Variants in CALN1 observed in about 807,000 individuals in gnomAD.
The protein encoded by CALN1 is calcium-binding protein 8.
In CALN1, 17 loss-of-function variants were observed where a neutral mutation model predicts 30.6. That is an observed-to-expected ratio of 0.56 (90% CI 0.38 to 0.83). The LOEUF (loss-of-function observed/expected upper bound fraction) is 0.83. CALN1 is among the 40% of genes least tolerant of loss of function. CALN1 has a pLI of 0.00. For missense variants in CALN1, 291 were observed against 354.9 expected (o/e 0.82, Z 1.45); for synonymous variants, 156 against 131.4 (o/e 1.19, Z -1.28).
chr7:72,150,070 A>T (rs1787106599), intron 3 of CALN1, among the ~76,000 whole-genome samples: 1 of 150,828 alleles, frequency 6.6e-6, no homozygotes, highest in African/African-American at 2.4e-5. Context: ...GGTTGCAATG[A>T]GCCGAGATCG....
chr7:71,871,673 C>A (rs1336260072), intron 5 of CALN1, among the ~76,000 whole-genome samples: 1 of 152,178 alleles, frequency 6.6e-6, no homozygotes, highest in African/African-American at 2.4e-5. Flanking sequence ...GGACATCGCA[C>A]CTTCTGTTCC....
At chr7:71,970,419 C>T (rs1023132495) in intron 5 of CALN1, among the ~76,000 whole-genome samples, 9 of 152,096 alleles carry the variant, frequency 5.9e-5, no homozygotes, top group Admixed American at 4.6e-4. Flanking sequence ...TATCAACTTA[C>T]GTTATTATAT....
chr7:71,847,368 G>T (rs1315607929), intron 5 of CALN1, among the ~76,000 whole-genome samples: 5 of 152,034 alleles, frequency 3.3e-5, no homozygotes, highest in African/African-American at 7.2e-5. Flanking sequence ...AGGGTTTCCT[G>T]GCTGGGTGCA....
the CALN1 span, among the ~76,000 whole-genome samples, chr7:72,478,992 C>T: frequency 6.6e-6 from 1 of 151,210 alleles, no homozygotes; most frequent in Non-Finnish European, 1.5e-5. Flanking sequence ...AGTGATTTGC[C>T]TGCCTCAGCC....
At chr7:72,192,304 G>A (rs900095678) in intron 3 of CALN1, among the ~76,000 whole-genome samples, 1 of 152,060 alleles carries the variant, frequency 6.6e-6, no homozygotes, top group Admixed American at 6.6e-5. Flanking sequence ...CCATCATCAC[G>A]TTTCCTTCTC....
chr7:72,158,385 T>C (rs556302362), intron 3 of CALN1, among the ~76,000 whole-genome samples: 13 of 152,208 alleles, frequency 8.5e-5, no homozygotes, highest in Middle Eastern at 3.4e-3. Context: ...GGAGATGAGT[T>C]TGCATGAGGC....
chr7:72,021,326 T>A (rs557055224), intron 5 of CALN1, among the ~76,000 whole-genome samples: 1 of 151,912 alleles, frequency 6.6e-6, no homozygotes, highest in East Asian at 1.9e-4. Context: ...AGATGGAGAA[T>A]GAGAGAAAGA....
chr7:72,381,537 A>G (rs1350191485), intron 2 of CALN1, among the ~76,000 whole-genome samples: 3 of 152,232 alleles, frequency 2.0e-5, no homozygotes, highest in Non-Finnish European at 2.9e-5. Context: ...GCAGGGGCAT[A>G]TGAGTCCTTC....
chr7:72,199,699 T>C (rs1791285156), intron 3 of CALN1, among the ~76,000 whole-genome samples: 1 of 152,080 alleles, frequency 6.6e-6, no homozygotes, highest in African/African-American at 2.4e-5. Flanking sequence ...TTTAAAAAAT[T>C]AGCCAGGCGT....
intron 6 of CALN1, among the ~76,000 whole-genome samples, chr7:71,793,373 T>A (rs1020053145): frequency 6.6e-6 from 1 of 152,164 alleles, no homozygotes; most frequent in African/African-American, 2.4e-5. Context: ...AGCTCTGAAA[T>A]AGACCTTAGT....
intron 2 of CALN1, among the ~76,000 whole-genome samples, chr7:72,399,800 G>A (rs57841588): frequency 0.027 from 4,096 of 152,276 alleles, 154 homozygotes; most frequent in African/African-American, 0.092. Flanking sequence ...ATTCCGTGTT[G>A]GAGATGGGGC....
intron 2 of CALN1, among the ~76,000 whole-genome samples, chr7:72,339,025 A>C (rs1345519755): frequency 7.3e-6 from 1 of 137,666 alleles, no homozygotes; most frequent in African/African-American, 2.8e-5. Flanking sequence ...CCATGAGTTC[A>C]ATTGTTTTGA....
chr7:71,926,536 TTA>T (rs1461330278), intron 5 of CALN1, among the ~76,000 whole-genome samples: 1 of 152,214 alleles, frequency 6.6e-6, no homozygotes, highest in Non-Finnish European at 1.5e-5. Flanking sequence ...ATTTGATGTC[TTA>T]TATTATTTGT....
At chr7:72,439,271 A>G (rs752940451) in intron 1 of CALN1, among the ~76,000 whole-genome samples, 3 of 152,136 alleles carry the variant, frequency 2.0e-5, no homozygotes, top group Non-Finnish European at 2.9e-5. Flanking sequence ...AGCTCATGCA[A>G]TCCTCCTACC....
intron 2 of CALN1, among the ~76,000 whole-genome samples, chr7:72,291,650 T>A (rs2129554921): frequency 6.6e-6 from 1 of 152,296 alleles, no homozygotes; most frequent in South Asian, 2.1e-4. Context: ...GCTGGGCCAG[T>A]GTGGAGACTG....
At chr7:72,042,568 T>G (rs938485861) in intron 4 of CALN1, among the ~76,000 whole-genome samples, 4 of 152,020 alleles carry the variant, frequency 2.6e-5, no homozygotes, top group Admixed American at 2.0e-4. Context: ...GTACTCAAAT[T>G]CAAGACTCTC....
At chr7:71,793,149 A>G (rs1786677213) in intron 6 of CALN1, among the ~76,000 whole-genome samples, 1 of 152,158 alleles carries the variant, frequency 6.6e-6, no homozygotes, top group South Asian at 2.1e-4. Flanking sequence ...TACTAAAAAC[A>G]CAAAAAATTT....
chr7:72,427,629 C>G (rs1350160638), intron 1 of CALN1, among the ~76,000 whole-genome samples: 2 of 152,106 alleles, frequency 1.3e-5, no homozygotes, highest in African/African-American at 4.8e-5. Flanking sequence ...AGGTGCATGC[C>G]ACCACACATG....
At chr7:71,793,078 G>T (rs1015913480) in intron 6 of CALN1, among the ~76,000 whole-genome samples, 2 of 152,162 alleles carry the variant, frequency 1.3e-5, no homozygotes, top group African/African-American at 4.8e-5. Context: ...GCTGAGGTGG[G>T]TGGATCACCT....
Sources: allele counts gnomAD v4.1 joint callset (sites outside exome capture counted in the v4.1 genomes callset), GRCh38; gene constraint gnomAD v4.1.1; transcripts MANE v1.5; gene names NCBI Gene and HGNC (gene_info 2026-07-23, HGNC 2026-07-21).